STAC: variants seen among roughly 807,000 people sequenced by gnomAD.
STAC encodes SH3 and cysteine-rich domain-containing protein.
STAC carries 43 observed loss-of-function variants against 48.8 expected under a neutral mutation model. That is an observed-to-expected ratio of 0.88 (90% CI 0.69 to 1.14). The LOEUF (loss-of-function observed/expected upper bound fraction) is 1.14, where lower values mean the gene tolerates loss of function less well. Among genes scored for constraint, STAC ranks in the 50% most tolerant of loss-of-function variants. The pLI, the probability that STAC is intolerant of heterozygous loss-of-function variation, is 0.00. For synonymous variants in STAC, 193 were observed against 179.5 expected (o/e 1.07, Z -0.60); for missense variants, 497 against 504.0 (o/e 0.99, Z 0.13).
At chr3:36,492,031 A>AAAATATATATATATATAT (rs1553639882) in intron 5 of STAC, among the ~76,000 whole-genome samples, 1 of 16,440 alleles carries the variant, frequency 6.1e-5, no homozygotes, top group Non-Finnish European at 1.2e-4. Context: ...AAAAAAAAAA[A>AAAATATATATATATATAT]ATATATATAT....
intron 1 of STAC, among the ~76,000 whole-genome samples, chr3:36,428,585 C>T (rs1015908582): frequency 6.6e-6 from 1 of 151,992 alleles, no homozygotes; most frequent in Non-Finnish European, 1.5e-5. Context: ...GCACAGGGAT[C>T]GGGGAAGTCT....
At chr3:36,398,376 G>GAAA (rs375266534) in intron 1 of STAC, among the ~76,000 whole-genome samples, 2 of 135,816 alleles carry the variant, frequency 1.5e-5, no homozygotes, top group Non-Finnish European at 3.2e-5. Flanking sequence ...AGAAAAGAAA[G>GAAA]AGAGAAAGAA....
At chr3:36,409,819 T>A (rs535046769) in intron 1 of STAC, 1 of 152,358 alleles carries the variant, frequency 6.6e-6, no homozygotes, top group East Asian at 1.9e-4. Flanking sequence ...TTTCTATTTA[T>A]GTAAATCCAA....
intron 2 of STAC, among the ~76,000 whole-genome samples, chr3:36,474,520 TGAG>T (rs1575224871): frequency 6.6e-6 from 1 of 152,172 alleles, no homozygotes; most frequent in African/African-American, 2.4e-5. Context: ...GCAGAGGCAA[TGAG>T]GAGAAGGGAA....
chr3:36,449,992 T>C (rs758151068), intron 2 of STAC, among the ~76,000 whole-genome samples: 2 of 152,036 alleles, frequency 1.3e-5, no homozygotes, highest in African/African-American at 2.4e-5. Context: ...TACTGGAACA[T>C]CTGAATGCCC....
intron 1 of STAC, among the ~76,000 whole-genome samples, chr3:36,398,462 A>G (rs13083062): frequency 5.3e-4 from 50 of 94,746 alleles, no homozygotes; most frequent in Non-Finnish European, 8.1e-4. Flanking sequence ...GAAGGAAGGA[A>G]GGAAGGAAGG....
At chr3:36,436,221 C>A (rs543457168) in intron 1 of STAC, among the ~76,000 whole-genome samples, 2 of 152,184 alleles carry the variant, frequency 1.3e-5, no homozygotes, top group Admixed American at 6.5e-5. Flanking sequence ...CATAACTATA[C>A]AAGGCCAAGC....
chr3:36,389,957 T>C (rs1429049593), intron 1 of STAC, among the ~76,000 whole-genome samples: 1 of 128,944 alleles, frequency 7.8e-6, no homozygotes, highest in Non-Finnish European at 1.7e-5. Context: ...GTAACTATAA[T>C]TCTCTTTCAT....
At chr3:36,507,664 G>A (rs1698437063) in intron 8 of STAC, among the ~76,000 whole-genome samples, 4 of 152,264 alleles carry the variant, frequency 2.6e-5, no homozygotes, top group Admixed American at 2.0e-4. Context: ...ATGTGTCCAG[G>A]AATTTATCCA....
At chr3:36,457,408 A>G (rs1311610243) in intron 2 of STAC, among the ~76,000 whole-genome samples, 2 of 152,244 alleles carry the variant, frequency 1.3e-5, no homozygotes, top group African/African-American at 2.4e-5. Flanking sequence ...TTTGTGGACT[A>G]TAAGACTTAA....
intron 10 of STAC, 145 bp from the exon 11 acceptor site, chr3:36,546,046 G>T: frequency 1.6e-6 from 1 of 630,612 alleles, no homozygotes; most frequent in Non-Finnish European, 2.8e-6. Flanking sequence ...TTTTCTCACT[G>T]TGCTGGTTTC....
At chr3:36,440,611 G>C (rs1202416646) in intron 1 of STAC, among the ~76,000 whole-genome samples, 2 of 152,186 alleles carry the variant, frequency 1.3e-5, no homozygotes, top group African/African-American at 4.8e-5. Flanking sequence ...CCTTCTATTG[G>C]TTAAATTTCA....
chr3:36,424,948 T>G (rs184006895), intron 1 of STAC, among the ~76,000 whole-genome samples: 1 of 152,098 alleles, frequency 6.6e-6, no homozygotes, highest in East Asian at 1.9e-4. Flanking sequence ...GAATGACTAA[T>G]AGAAATAGAA....
intron 10 of STAC, among the ~76,000 whole-genome samples, chr3:36,532,271 T>C (rs1402242842): frequency 6.6e-6 from 1 of 152,230 alleles, no homozygotes; most frequent in Non-Finnish European, 1.5e-5. Flanking sequence ...GCTCTATGGT[T>C]TCACCCTGGT....
chr3:36,434,611 T>C (rs927289746), intron 1 of STAC, among the ~76,000 whole-genome samples: 4 of 152,230 alleles, frequency 2.6e-5, no homozygotes, highest in Non-Finnish European at 4.4e-5. Context: ...ATATGGTGAC[T>C]GTGCCTCCTA....
At chr3:36,528,607 G>A in intron 8 of STAC, 89 bp from the exon 9 acceptor site, 1 of 1,046,872 alleles carries the variant, frequency 9.6e-7, no homozygotes, top group Non-Finnish European at 1.4e-6. Flanking sequence ...AAGACTATTT[G>A]TGTAAATGAG....
intron 1 of STAC, among the ~76,000 whole-genome samples, chr3:36,393,234 T>C (rs1699788906): frequency 6.6e-6 from 1 of 152,192 alleles, no homozygotes; most frequent in Non-Finnish European, 1.5e-5. Context: ...TTTAGGTTCT[T>C]AGATTCTACT....
intron 2 of STAC, among the ~76,000 whole-genome samples, chr3:36,473,692 C>T (rs56124003): frequency 0.15 from 22,218 of 152,120 alleles, 1,788 homozygotes; most frequent in African/African-American, 0.19. Context: ...CATACACATA[C>T]ATATTCACAT....
chr3:36,397,384 A>C (rs151269365), intron 1 of STAC, among the ~76,000 whole-genome samples: 22 of 152,332 alleles, frequency 1.4e-4, no homozygotes, highest in Non-Finnish European at 2.6e-4. Flanking sequence ...ACATTGAAGA[A>C]ATAAATTCTC....
Sources: allele counts gnomAD v4.1 joint callset (sites outside exome capture counted in the v4.1 genomes callset), GRCh38; gene constraint gnomAD v4.1.1; transcripts MANE v1.5; gene names NCBI Gene and HGNC (gene_info 2026-07-23, HGNC 2026-07-21).